CCNJL: variants seen among roughly 807,000 people sequenced by gnomAD.
CCNJL encodes cyclin-J-like protein.
CCNJL carries 33 observed loss-of-function variants against 33.4 expected under a neutral mutation model. That is an observed-to-expected ratio of 0.99 (90% CI 0.75 to 1.32). The LOEUF (loss-of-function observed/expected upper bound fraction) is 1.32. Ranked by LOEUF, CCNJL falls within the 40% of genes most tolerant of loss-of-function variation. CCNJL has a pLI of 0.00. For synonymous variants in CCNJL, 227 were observed against 220.9 expected, an observed-to-expected ratio of 1.03 and a Z score of -0.24; for missense variants, 512 against 499.7, an observed-to-expected ratio of 1.02 and a Z score of -0.23.
chr5:160,300,448 C>T (rs1762886923), intron 2 of CCNJL, among the ~76,000 whole-genome samples: 1 of 152,238 alleles, frequency 6.6e-6, no homozygotes, highest in East Asian at 1.9e-4. Context: ...GTCCAACCCA[C>T]AGACCATGGG....
rs1426455597 is a variant in CCNJL, at chr5:160,252,152, A to G, written c.*1226T>C. On this transcript the variant is annotated 3_prime_UTR_variant, in exon 6 of 6. Transcript: ENST00000257536. The stretch of plus-strand genomic sequence containing the variant: ...AACTAAACCAAAGAACATGCTGAGC[A>G]CAAGCTGCGAGTCAGAATAAAAACA... 1 of 152,710 alleles carries G rather than the reference A, an allele frequency of 6.5e-6. No individual in the cohort carries two copies. The highest frequency in any genetic ancestry group is 1.5e-5 in the Non-Finnish European group (1 of 68,070). The allele number at this position is 152,710 out of a possible 1,614,324, so 9.5% of individuals were successfully genotyped here.
At position 160,331,847 on chromosome 5, in the gene CCNJL, G is replaced by A. The variant is rs116643801; in HGVS notation, n.206+7598C>T. Among the ~76,000 whole-genome samples the A allele has an allele frequency of 7.5e-3, 1,138 of 152,194 alleles. 15 individuals carry two copies. Among genetic ancestry groups the A allele is most frequent in the African/African-American group, 0.025 (1,058 of 41,520 alleles). ...AAGCCTACTATATTTCTCTTGTCTGGTGGGTCTCAAGGATGGTCCCTGAAC... is the reference window on the plus strand; with the variant it reads ...AAGCCTACTATATTTCTCTTGTCTGATGGGTCTCAAGGATGGTCCCTGAAC... On this transcript the variant is annotated intron_variant and non_coding_transcript_variant, in intron 1 of 7. Coordinates refer to the CCNJL transcript ENST00000377503.
chr5:160,260,544 G>T (rs1032471112), intron 3 of CCNJL, among the ~76,000 whole-genome samples: 2 of 152,096 alleles, frequency 1.3e-5, no homozygotes, highest in African/African-American at 2.4e-5. Flanking sequence ...TAGCAACCCC[G>T]GCAGTCATCA....
At chr5:160,291,153 G>A (rs1368893865) in intron 2 of CCNJL, among the ~76,000 whole-genome samples, 1 of 151,972 alleles carries the variant, frequency 6.6e-6, no homozygotes, top group Non-Finnish European at 1.5e-5. Flanking sequence ...CTTGCCCTGG[G>A]GTGACATGTG....
chr5:160,290,358 T>C (rs1035297750), intron 2 of CCNJL, among the ~76,000 whole-genome samples: 2 of 151,960 alleles, frequency 1.3e-5, no homozygotes, highest in East Asian at 1.9e-4. Flanking sequence ...CTCCGCCTTC[T>C]AGGTTCAAGA....
At chr5:160,293,597 G>A (rs538866629) in intron 2 of CCNJL, among the ~76,000 whole-genome samples, 5 of 152,110 alleles carry the variant, frequency 3.3e-5, no homozygotes, top group Non-Finnish European at 7.4e-5. Flanking sequence ...TTCTCTGTGC[G>A]CACGCATGTC....
intron 3 of CCNJL, among the ~76,000 whole-genome samples, chr5:160,264,989 T>C (rs1364555943): frequency 2.0e-5 from 3 of 152,220 alleles, no homozygotes; most frequent in Non-Finnish European, 4.4e-5. Flanking sequence ...TTGAATGTTA[T>C]TACCCAGTGC....
In CCNJL at chr5:160,251,231, C is replaced by G. The variant is rs1368527989; in HGVS notation, c.*2147G>C. ...AAATTTTGCCTCACGACTGCTAACACAGAAATCATGCCTGAGTTTCCAGCC... is the reference window on the plus strand; with the variant it reads ...AAATTTTGCCTCACGACTGCTAACAGAGAAATCATGCCTGAGTTTCCAGCC... On this transcript the variant is annotated 3_prime_UTR_variant, in exon 6 of 6. Transcript: ENST00000257536. The G allele has an allele frequency of 6.6e-6, 1 of 152,238 alleles. No homozygotes were observed. Among genetic ancestry groups the G allele is most frequent in the African/African-American group, 2.4e-5 (1 of 41,462 alleles). 9.4% of individuals were successfully genotyped at this position (152,238 alleles called of 1,614,324 possible).
At chr5:160,328,429 A>G (rs1429055619) in intron 1 of CCNJL, among the ~76,000 whole-genome samples, 2 of 152,114 alleles carry the variant, frequency 1.3e-5, no homozygotes, top group Admixed American at 6.5e-5. Flanking sequence ...AACGCGGATG[A>G]AGAGAAATAG....
At chr5:160,265,456 T>C (rs568592536) in intron 3 of CCNJL, among the ~76,000 whole-genome samples, 1 of 152,170 alleles carries the variant, frequency 6.6e-6, no homozygotes, top group Admixed American at 6.5e-5. Flanking sequence ...TCCAATATAG[T>C]GAAACCCTGT....
At chr5:160,278,885 G>A (rs536784187) in intron 3 of CCNJL, among the ~76,000 whole-genome samples, 1 of 152,338 alleles carries the variant, frequency 6.6e-6, no homozygotes, top group East Asian at 1.9e-4. Context: ...AAGCCCCGCA[G>A]ACGAAAGGGG....
At chr5:160,313,243 A>G (rs1373396270), upstream of CCNJL, among the ~76,000 whole-genome samples, 2 of 152,198 alleles carry the variant, frequency 1.3e-5, no homozygotes, top group African/African-American at 2.4e-5. Context: ...GAGTCAGCCC[A>G]TCTGATGGCA....
At chr5:160,292,684 TTTA>T (rs1356865590) in intron 2 of CCNJL, among the ~76,000 whole-genome samples, 64 of 125,020 alleles carry the variant, frequency 5.1e-4, no homozygotes, top group African/African-American at 2.6e-3. Context: ...ATATAGTAGT[TTTA>T]TATATATATA....
At chr5:160,292,450 C>A (rs1561796773) in intron 2 of CCNJL, among the ~76,000 whole-genome samples, 1 of 152,034 alleles carries the variant, frequency 6.6e-6, no homozygotes, top group Non-Finnish European at 1.5e-5. Context: ...AGGGAGACCT[C>A]ATCTCTACAA....
intron 5 of CCNJL, 65 bp from the exon 6 acceptor site, chr5:160,253,863 T>G: frequency 7.7e-7 from 1 of 1,305,748 alleles, no homozygotes; most frequent in Non-Finnish European, 1.0e-6. Context: ...TGTGTGTCTC[T>G]ACCTGTCTTG....
intron 2 of CCNJL, among the ~76,000 whole-genome samples, chr5:160,306,237 C>G (rs2113443821): frequency 7.0e-6 from 1 of 143,820 alleles, no homozygotes; most frequent in South Asian, 2.2e-4. Context: ...TGCCACTGCT[C>G]TCCAGCTTGG....
At chr5:160,309,236 T>C (rs1302080716) in intron 2 of CCNJL, among the ~76,000 whole-genome samples, 17 of 152,202 alleles carry the variant, frequency 1.1e-4, no homozygotes, top group Admixed American at 1.1e-3. Flanking sequence ...GATCAGGGTT[T>C]CACTTCCATC....
chr5:160,280,459 G>A, intron 3 of CCNJL, 66 bp downstream of exon 3: 2 of 1,253,918 alleles, frequency 1.6e-6, no homozygotes, highest in East Asian at 2.3e-5. Context: ...TGATTTGGAA[G>A]CAGCCAGGCG....
At position 160,277,740 on chromosome 5, in the gene CCNJL, A is replaced by G. The variant is rs1247612938; in HGVS notation, c.280+2785T>C. 2.5e-3 allele frequency among the ~76,000 whole-genome samples: 324 copies of G among 128,650 alleles called. 2 individuals are homozygous for G. The highest frequency in any genetic ancestry group is 5.7e-3 in the African/African-American group (199 of 34,922). The allele number at this position is 128,650 out of a possible 152,430, so 84.4% of individuals were successfully genotyped here. On this transcript the variant is annotated intron_variant, in intron 3 of 5. Transcript: ENST00000257536. ...AAAATCCCATCTCTGCTTCCTGTCT[A>G]TCTGTTTTTTTTTTTTTTTTTTGAG... is the stretch of plus-strand genomic sequence containing the variant.
Sources: allele counts gnomAD v4.1 joint callset (sites outside exome capture counted in the v4.1 genomes callset), GRCh38; gene constraint gnomAD v4.1.1; transcripts MANE v1.5; gene names NCBI Gene and HGNC (gene_info 2026-07-23, HGNC 2026-07-21).